KCNJ16: variants seen among roughly 807,000 people sequenced by gnomAD.
KCNJ16 encodes inward rectifier potassium channel 16.
A neutral mutation model predicts 18.5 loss-of-function variants in KCNJ16; 15 were observed. That is an observed-to-expected ratio of 0.81 (90% CI 0.54 to 1.25). The LOEUF is 1.25. Ranked by LOEUF, KCNJ16 falls within the 50% of genes most tolerant of loss-of-function variation. The pLI is 0.00. For synonymous variants in KCNJ16, 174 were observed against 186.5 expected (o/e 0.93, Z 0.55); for missense variants, 523 against 525.7 (o/e 0.99, Z 0.05).
intron 1 of KCNJ16, among the ~76,000 whole-genome samples, chr17:70,085,832 C>T (rs1363140049): frequency 6.6e-6 from 1 of 152,060 alleles, no homozygotes; most frequent in African/African-American, 2.4e-5. Flanking sequence ...GATGTTCCAG[C>T]ATAAGAATTT....
intron 2 of KCNJ16, among the ~76,000 whole-genome samples, chr17:70,106,415 G>A (rs1016617413): frequency 4.6e-5 from 7 of 152,100 alleles, no homozygotes; most frequent in Non-Finnish European, 1.0e-4. Flanking sequence ...GACACACAAG[G>A]AGCACAGAGT....
At chr17:70,104,216 T>C (rs1300808214) in intron 2 of KCNJ16, among the ~76,000 whole-genome samples, 1 of 152,124 alleles carries the variant, frequency 6.6e-6, no homozygotes, top group African/African-American at 2.4e-5. Context: ...TCCTCCTGCC[T>C]CAGCCCCTCA....
chr17:70,097,247 C>T lies in KCNJ16; in HGVS notation c.-299-3411C>T, dbSNP rs537997354. 2.6e-5 allele frequency among the ~76,000 whole-genome samples: 4 copies of T among 152,200 alleles called. No homozygotes were observed. The East Asian group carries it at 7.8e-4, about 30-fold the overall frequency. The stretch of plus-strand genomic sequence containing the variant: ...ATGTCAATGGCACAACCCATGCGCC[C>T]CCGTCTCCCCACTCTTGTCAGGATT... On this transcript the variant is annotated intron_variant, in intron 1 of 3. Transcript: ENST00000392671.
intron 2 of KCNJ16, among the ~76,000 whole-genome samples, chr17:70,102,709 C>T (rs777048384): frequency 5.9e-5 from 9 of 152,136 alleles, no homozygotes; most frequent in Non-Finnish European, 1.2e-4. Context: ...TTTTTCTACC[C>T]CATTTGACAG....
Position 70,132,328 on chromosome 17 carries a change from T to G in KCNJ16, c.241T>G (p.Tyr81Asp), listed in dbSNP as rs370084330. The G allele has an allele frequency of 6.2e-7, 1 of 1,614,114 alleles. No homozygotes were observed. Among genetic ancestry groups the G allele is most frequent in the African/African-American group, 1.3e-5 (1 of 74,944 alleles). ...TATGTTTGTGATATTTTCTTTATCT[T>G]ATATTCTCTCGTGGTTGATATTTGG... ...RHMFVIFSLS[Y>D]ILSWLIFGSV... The change falls in exon 4 of 4, where the codon TAT (tyrosine) becomes GAT (aspartate). Residue 81 changes from tyrosine (Y) to aspartate (D), a missense_variant. Coordinates refer to ENST00000392671, the MANE Select transcript of KCNJ16 (RefSeq NM_170741.4).
At chr17:70,105,063 A>G (rs1452056088) in intron 2 of KCNJ16, 1 of 152,700 alleles carries the variant, frequency 6.5e-6, no homozygotes, top group Admixed American at 6.5e-5. Flanking sequence ...GCACTTCATC[A>G]TCTTTCACTA....
intron 2 of KCNJ16, among the ~76,000 whole-genome samples, chr17:70,115,061 T>C (rs1274400272): frequency 1.3e-5 from 2 of 152,148 alleles, no homozygotes; most frequent in Non-Finnish European, 2.9e-5. Flanking sequence ...ACAGTCTTAC[T>C]AGCAATCAAG....
intron 2 of KCNJ16, among the ~76,000 whole-genome samples, chr17:70,102,866 A>G (rs927690038): frequency 2.0e-5 from 3 of 152,112 alleles, no homozygotes; most frequent in Admixed American, 6.5e-5. Context: ...GCTAAATCCA[A>G]TGGTCAATTC....
chr17:70,108,118 A>T (rs1349093239), intron 2 of KCNJ16, among the ~76,000 whole-genome samples: 2 of 152,182 alleles, frequency 1.3e-5, no homozygotes, highest in South Asian at 2.1e-4. Flanking sequence ...GCATGAATAC[A>T]GAGTATTCGT....
rs543173986 is a variant in KCNJ16, at chr17:70,117,450, G to A, written c.-190-13429G>A. On this transcript the variant is annotated intron_variant, in intron 2 of 3. Coordinates refer to ENST00000392671, the MANE Select transcript of KCNJ16 (RefSeq NM_170741.4). ...TCGACATGGACCCCAGAATTTAAAA[G>A]CTGAAAAAATAATAATAATATAAAA... Among the ~76,000 whole-genome samples the A allele has an allele frequency of 4.1e-4, 63 of 152,140 alleles. 1 individual carries two copies. Among genetic ancestry groups the A allele is most frequent in the Non-Finnish European group, 6.6e-4 (45 of 67,988 alleles).
Position 70,133,339 on chromosome 17 carries a change from A to G in KCNJ16, c.1252A>G (p.Met418Val). The G allele has an allele frequency of 6.2e-7, 1 of 1,606,760 alleles. No individual in the cohort carries two copies. Among genetic ancestry groups the G allele is most frequent in the Non-Finnish European group, 8.5e-7 (1 of 1,175,130 alleles). Residue 418 changes from methionine (M) to valine (V), a missense_variant, in exon 4 of 4, where the codon ATG becomes GTG. By Grantham distance (21) the Met-to-Val change is conservative. Transcript: ENST00000392671. ...TLNRISVESQ[M>V] ...AAACAGAATCTCTGTAGAATCCCAA[A>G]TGTAGTCCTAAATTGCAATTATGAG...
intron 2 of KCNJ16, among the ~76,000 whole-genome samples, chr17:70,129,937 T>C (rs1185562759): frequency 7.0e-6 from 1 of 143,292 alleles, no homozygotes; most frequent in African/African-American, 3.0e-5. Flanking sequence ...TTTATTTATT[T>C]ATTTATTTAT....
intron 1 of KCNJ16, among the ~76,000 whole-genome samples, chr17:70,092,542 A>AT (rs56682565): frequency 0.14 from 2,365 of 17,074 alleles, 65 homozygotes; most frequent in East Asian, 0.2. Context: ...AGATAGATAT[A>AT]GATAGATATA....
intron 1 of KCNJ16, among the ~76,000 whole-genome samples, chr17:70,083,756 A>C (rs926279759): frequency 1.3e-5 from 2 of 152,156 alleles, no homozygotes; most frequent in African/African-American, 4.8e-5. Context: ...TAAAAATTTG[A>C]CTTTACACAG....
intron 2 of KCNJ16, chr17:70,108,356 C>G (rs1354315457): frequency 6.6e-6 from 1 of 152,166 alleles, no homozygotes; most frequent in Admixed American, 6.5e-5. Flanking sequence ...CTCTGCTGGT[C>G]AGTCACGCAG....
At chr17:70,082,879 G>T (rs1415466987) in intron 1 of KCNJ16, among the ~76,000 whole-genome samples, 2 of 152,110 alleles carry the variant, frequency 1.3e-5, no homozygotes, top group African/African-American at 2.4e-5. Context: ...GTCAGGAGCT[G>T]CTGTCTTCCT....
chr17:70,109,592 A>G (rs1231430959), intron 2 of KCNJ16, among the ~76,000 whole-genome samples: 1 of 152,030 alleles, frequency 6.6e-6, no homozygotes, highest in Admixed American at 6.6e-5. Flanking sequence ...GGGCCTGTTA[A>G]GCTGATTAAA....
chr17:70,110,478 G>GTGCACACACACACACA (rs1491105871), intron 2 of KCNJ16, among the ~76,000 whole-genome samples: 2 of 122,298 alleles, frequency 1.6e-5, no homozygotes, highest in Non-Finnish European at 1.7e-5. Context: ...CACACTTCGT[G>GTGCACACACACACACA]CGCGCACACA....
At chr17:70,107,760 ATCT>A (rs2073001011) in intron 2 of KCNJ16, among the ~76,000 whole-genome samples, 1 of 152,132 alleles carries the variant, frequency 6.6e-6, no homozygotes, top group South Asian at 2.1e-4. Flanking sequence ...TTTATTTCCA[ATCT>A]TCTTGGAAAG....
Sources: allele counts gnomAD v4.1 joint callset (sites outside exome capture counted in the v4.1 genomes callset), GRCh38; gene constraint gnomAD v4.1.1; transcripts MANE v1.5; gene names NCBI Gene and HGNC (gene_info 2026-07-23, HGNC 2026-07-21).